HS3ST4: variants seen among roughly 807,000 people sequenced by gnomAD.
HS3ST4 encodes heparan sulfate-glucosamine 3-sulfotransferase 4.
A neutral mutation model predicts 29.2 loss-of-function variants in HS3ST4; 17 were observed. That is an observed-to-expected ratio of 0.58 (90% CI 0.40 to 0.87). The LOEUF (loss-of-function observed/expected upper bound fraction) is 0.87, where lower values mean the gene tolerates loss of function less well. Ranked by LOEUF, HS3ST4 falls within the 40% of genes least tolerant of loss-of-function variation. HS3ST4 has a pLI of 0.00. For missense variants in HS3ST4, 627 were observed against 634.5 expected, an observed-to-expected ratio of 0.99 and a Z score of 0.13; for synonymous variants, 314 against 285.7, an observed-to-expected ratio of 1.10 and a Z score of -1.00.
intron 1 of HS3ST4, among the ~76,000 whole-genome samples, chr16:26,039,302 T>C (rs995847751): frequency 3.3e-5 from 5 of 152,358 alleles, no homozygotes; most frequent in African/African-American, 1.2e-4. Flanking sequence ...GAATCTTGCC[T>C]GGGAATTTAC....
intron 1 of HS3ST4, among the ~76,000 whole-genome samples, chr16:26,122,819 G>A (rs1423322360): frequency 6.6e-6 from 1 of 152,060 alleles, no homozygotes; most frequent in Non-Finnish European, 1.5e-5. Context: ...ACTTTGGGAC[G>A]CTGAGGCAGC....
At chr16:25,824,914 T>G (rs1967200591) in intron 1 of HS3ST4, 1 of 152,210 alleles carries the variant, frequency 6.6e-6, no homozygotes, top group Non-Finnish European at 1.5e-5. Flanking sequence ...CAAAATATGT[T>G]GAAGTCCTAA....
chr16:26,066,588 A>G, intron 1 of HS3ST4, among the ~76,000 whole-genome samples: 1 of 152,160 alleles, frequency 6.6e-6, no homozygotes, highest in East Asian at 1.9e-4. Context: ...CATCTGCAAG[A>G]AACCTGGGTG....
At chr16:26,014,586 C>A (rs953868423) in intron 1 of HS3ST4, among the ~76,000 whole-genome samples, 1 of 152,180 alleles carries the variant, frequency 6.6e-6, no homozygotes, top group African/African-American at 2.4e-5. Context: ...TTAGCGAGAG[C>A]ACACTGTATT....
chr16:25,830,006 G>A (rs912146666), intron 1 of HS3ST4, among the ~76,000 whole-genome samples: 5 of 152,062 alleles, frequency 3.3e-5, no homozygotes, highest in South Asian at 4.2e-4. Context: ...TGGATTTTAA[G>A]TAGAGACGTG....
intron 1 of HS3ST4, among the ~76,000 whole-genome samples, chr16:25,958,275 A>G (rs1398103342): frequency 1.3e-5 from 2 of 152,204 alleles, no homozygotes; most frequent in African/African-American, 4.8e-5. Flanking sequence ...CTCAAATAAT[A>G]ACAGTCATAT....
At chr16:25,888,135 T>C (rs765392072) in intron 1 of HS3ST4, among the ~76,000 whole-genome samples, 5 of 152,170 alleles carry the variant, frequency 3.3e-5, no homozygotes, top group Admixed American at 6.5e-5. Context: ...TGGACTTCAG[T>C]TGGCCTCCGC....
chr16:26,056,328 T>G (rs1377747434), intron 1 of HS3ST4, among the ~76,000 whole-genome samples: 1 of 152,194 alleles, frequency 6.6e-6, no homozygotes, highest in Non-Finnish European at 1.5e-5. Context: ...CAAGAATGGC[T>G]GTCTTAAGCA....
At chr16:25,773,337 C>T (rs551494540) in intron 1 of HS3ST4, among the ~76,000 whole-genome samples, 30 of 152,290 alleles carry the variant, frequency 2.0e-4, no homozygotes, top group Admixed American at 3.9e-4. Flanking sequence ...TGGGGTCTAC[C>T]GTGGCTTGGA....
chr16:25,942,739 C>T (rs1968584315), intron 1 of HS3ST4, among the ~76,000 whole-genome samples: 1 of 151,886 alleles, frequency 6.6e-6, no homozygotes, highest in Admixed American at 6.6e-5. Context: ...CTGCCTCAGC[C>T]TCCCAATTAG....
chr16:26,031,769 A>G (rs1387969589), intron 1 of HS3ST4, among the ~76,000 whole-genome samples: 2 of 151,596 alleles, frequency 1.3e-5, no homozygotes, highest in African/African-American at 4.9e-5. Flanking sequence ...ATAAACAATC[A>G]TGGTATTTCA....
At chr16:25,705,408 G>A (rs1382657499) in intron 1 of HS3ST4, among the ~76,000 whole-genome samples, 1 of 152,132 alleles carries the variant, frequency 6.6e-6, no homozygotes, top group Non-Finnish European at 1.5e-5. Context: ...GCTCACGCCT[G>A]TAATCCCAGC....
intron 1 of HS3ST4, among the ~76,000 whole-genome samples, chr16:25,699,207 C>A (rs962580864): frequency 2.0e-5 from 3 of 152,144 alleles, no homozygotes; most frequent in Non-Finnish European, 4.4e-5. Context: ...ACCCTGTGTA[C>A]CCTGTGCAGT....
At chr16:25,715,917 T>G (rs1966451112) in intron 1 of HS3ST4, among the ~76,000 whole-genome samples, 2 of 152,168 alleles carry the variant, frequency 1.3e-5, no homozygotes, top group East Asian at 1.9e-4. Flanking sequence ...CAATTCCCCC[T>G]ATAGTCATAG....
intron 1 of HS3ST4, among the ~76,000 whole-genome samples, chr16:25,867,836 G>A (rs1204524855): frequency 6.6e-6 from 1 of 152,124 alleles, no homozygotes; most frequent in African/African-American, 2.4e-5. Flanking sequence ...TGGATCTCAT[G>A]TAGGTTAGTC....
At chr16:25,814,318 G>T (rs1967070631) in intron 1 of HS3ST4, among the ~76,000 whole-genome samples, 1 of 150,302 alleles carries the variant, frequency 6.7e-6, no homozygotes, top group Non-Finnish European at 1.5e-5. Context: ...GCTCACTGAT[G>T]TTGTTATGTC....
intron 1 of HS3ST4, among the ~76,000 whole-genome samples, chr16:26,060,089 T>G (rs1898457402): frequency 6.6e-6 from 1 of 152,148 alleles, no homozygotes. Flanking sequence ...ATTACTATTA[T>G]TTTTACTTGT....
chr16:26,102,156 A>T (rs995694546), intron 1 of HS3ST4, among the ~76,000 whole-genome samples: 1 of 152,168 alleles, frequency 6.6e-6, no homozygotes, highest in Non-Finnish European at 1.5e-5. Context: ...GAGGGTCAAT[A>T]TAAAAAAAAC....
At position 25,817,785 on chromosome 16, in the gene HS3ST4, A is replaced by G. The variant is rs115749965; in HGVS notation, c.734+124634A>G. 9.3e-3 allele frequency among the ~76,000 whole-genome samples: 1,417 copies of G among 152,330 alleles called. 20 individuals are homozygous for G. The highest frequency in any genetic ancestry group is 0.032 in the African/African-American group (1,319 of 41,566). On this transcript the variant is annotated intron_variant, in intron 1 of 1. Coordinates refer to ENST00000331351, the MANE Select transcript of HS3ST4 (RefSeq NM_006040.3). ...ATACAGCCTCATTTTTATTGCTTAC[A>G]TTAGTAATTCACTGTATATGGTTGA...
Sources: gnomAD v4.1 joint callset for allele counts (sites outside exome capture counted in the v4.1 genomes callset) on GRCh38, gnomAD v4.1.1 for gene constraint, MANE v1.5 for transcripts, NCBI Gene and HGNC (gene_info 2026-07-23, HGNC 2026-07-21) for gene names.